TMCO5A: variants seen among roughly 807,000 people sequenced by gnomAD.
TMCO5A encodes transmembrane and coiled-coil domains 5A, also known as transmembrane and coiled-coil domain-containing protein 5A.
TMCO5A carries 34 observed loss-of-function variants against 42.3 expected under a neutral mutation model. The observed-to-expected ratio is 0.80, with a 90% CI of 0.61 to 1.07. The LOEUF (loss-of-function observed/expected upper bound fraction) is 1.07. Ranked by LOEUF, TMCO5A falls within the 50% of genes least tolerant of loss-of-function variation. The pLI, the probability that TMCO5A is intolerant of heterozygous loss-of-function variation, is 0.00. For missense variants in TMCO5A, 357 were observed against 327.9 expected (o/e 1.09, Z -0.69); for synonymous variants, 131 against 115.6 (o/e 1.13, Z -0.86).
chr15:37,977,973 G>A, the TMCO5A span, among the ~76,000 whole-genome samples: 2 of 152,190 alleles, frequency 1.3e-5, no homozygotes, highest in Non-Finnish European at 2.9e-5. Flanking sequence ...GCATGCTAGA[G>A]GTGTAAGGCA....
At chr15:38,024,349 G>A in the TMCO5A span, among the ~76,000 whole-genome samples, 2 of 152,194 alleles carry the variant, frequency 1.3e-5, no homozygotes, top group African/African-American at 4.8e-5. Flanking sequence ...GAACTGTCAG[G>A]TGTTGGAGTA....
the TMCO5A span, among the ~76,000 whole-genome samples, chr15:37,983,755 G>A: frequency 4.3e-5 from 6 of 140,510 alleles, no homozygotes; most frequent in African/African-American, 1.4e-4. Flanking sequence ...ATGGAGTTTC[G>A]CTCTTGTTGC....
chr15:37,973,101 T>C, the TMCO5A span, among the ~76,000 whole-genome samples: 1 of 152,168 alleles, frequency 6.6e-6, no homozygotes, highest in Non-Finnish European at 1.5e-5. Flanking sequence ...TGTGGTTTTA[T>C]TTCTGGGGTG....
the TMCO5A span, among the ~76,000 whole-genome samples, chr15:37,999,935 G>C: frequency 6.6e-6 from 1 of 152,138 alleles, no homozygotes; most frequent in African/African-American, 2.4e-5. Context: ...CTAGTATTTT[G>C]TTGAGGATTT....
chr15:37,939,258 AT>A (rs1463088465), intron 6 of TMCO5A, among the ~76,000 whole-genome samples: 2 of 152,134 alleles, frequency 1.3e-5, no homozygotes, highest in Non-Finnish European at 2.9e-5. Context: ...AAATGAAAGT[AT>A]GGAGAATTAC....
the TMCO5A span, among the ~76,000 whole-genome samples, chr15:37,999,517 T>C: frequency 6.6e-6 from 1 of 152,190 alleles, no homozygotes; most frequent in Admixed American, 6.5e-5. Context: ...TGCAGGCCCT[T>C]TATTTCCTTA....
At chr15:37,949,539 G>A (rs1890086606) in intron 11 of TMCO5A, among the ~76,000 whole-genome samples, 1 of 151,974 alleles carries the variant, frequency 6.6e-6, no homozygotes, top group East Asian at 1.9e-4. Flanking sequence ...TTCAGAAATT[G>A]TGCACATAGC....
At chr15:37,945,622 T>G (rs1889919143) in intron 10 of TMCO5A, among the ~76,000 whole-genome samples, 1 of 152,160 alleles carries the variant, frequency 6.6e-6, no homozygotes, top group Non-Finnish European at 1.5e-5. Flanking sequence ...TCTCTAATGA[T>G]CAGTAATGTT....
rs1351808721 is a variant in TMCO5A at position 37,951,402 on chromosome 15, A to G, written c.*168A>G. 4 of 625,124 alleles carry G rather than the reference A, an allele frequency of 6.4e-6. No homozygotes were observed. The highest frequency in any genetic ancestry group is 1.1e-5 in the Non-Finnish European group (4 of 363,742). 38.7% of individuals were successfully genotyped at this position (625,124 alleles called of 1,614,324 possible). ...CATCTTTCCAGGATTAACCTTGACC[A>G]GTAAAAAGCTCTGTAATAGATTTAT... On this transcript the variant is annotated 3_prime_UTR_variant, in exon 12 of 12. Transcript: ENST00000319669.
At position 37,936,982 on chromosome 15, in the gene TMCO5A, G is replaced by T; in HGVS notation, c.264+12G>T. 6.2e-7 allele frequency: 1 copy of T among 1,611,668 alleles called. No homozygotes were observed. Among genetic ancestry groups the T allele is most frequent in the Non-Finnish European group, 8.5e-7 (1 of 1,178,680 alleles). ...AAACAGCCAGACTTGTAAGCAAGAA[G>T]TTGGGAAGAGCCATTTAATAGGTTG... is the stretch of plus-strand genomic sequence containing the variant. On this transcript the variant is annotated intron_variant, in intron 4 of 11. Transcript: ENST00000319669.
the TMCO5A span, among the ~76,000 whole-genome samples, chr15:37,995,332 T>TC: frequency 6.6e-6 from 1 of 152,216 alleles, no homozygotes; most frequent in African/African-American, 2.4e-5. Context: ...TTGTTCTTTT[T>TC]CCCTTTTCAT....
the TMCO5A span, chr15:37,993,436 T>A: frequency 6.6e-6 from 1 of 152,198 alleles, no homozygotes; most frequent in East Asian, 1.9e-4. Context: ...GGTGTCAGCA[T>A]CTTCACAGGT....
In TMCO5A at chr15:37,942,231, A is replaced by C; in HGVS notation, c.545A>C (p.Glu182Ala). 2 of 1,612,992 alleles carry C rather than the reference A, an allele frequency of 1.2e-6. No homozygotes were observed. Among genetic ancestry groups the C allele is most frequent in the Non-Finnish European group, 1.7e-6 (2 of 1,179,280 alleles). The change falls in exon 9 of 12, where the codon GAG (glutamate) becomes GCG (alanine). Residue 182 changes from glutamate (E) to alanine (A), a missense_variant. Glu to Ala is a moderately radical substitution (Grantham distance 107). Transcript: ENST00000319669. ...TTGAAGAAAATAGAAGAAGAACTAG[A>C]GGCTCTGTTCCTTGAGAGAGAAGTG... ...ETLKKIEEELEALFLEREVSK... is the reference protein window; with the variant it reads ...ETLKKIEEELAALFLEREVSK...
chr15:38,001,399 A>G, the TMCO5A span, among the ~76,000 whole-genome samples: 1 of 148,622 alleles, frequency 6.7e-6, no homozygotes, highest in Non-Finnish European at 1.5e-5. Flanking sequence ...TTTACAGGTG[A>G]TGAGTGTTTT....
the TMCO5A span, among the ~76,000 whole-genome samples, chr15:37,997,862 C>T: frequency 2.6e-5 from 4 of 152,058 alleles, no homozygotes; most frequent in Non-Finnish European, 4.4e-5. Flanking sequence ...TCCATATAAT[C>T]GCCAGCATTT....
the TMCO5A span, among the ~76,000 whole-genome samples, chr15:38,002,172 G>A: frequency 6.6e-6 from 1 of 151,210 alleles, no homozygotes; most frequent in East Asian, 1.9e-4. Context: ...ATGTTTGAAG[G>A]ATATTTTCAC....
chr15:38,005,017 T>G, the TMCO5A span, among the ~76,000 whole-genome samples: 1 of 152,136 alleles, frequency 6.6e-6, no homozygotes, highest in Non-Finnish European at 1.5e-5. Context: ...TGACAATAAT[T>G]GCTCAAACAG....
chr15:38,008,884 G>T, the TMCO5A span, among the ~76,000 whole-genome samples: 5,115 of 152,262 alleles, frequency 0.034, 130 homozygotes, highest in Non-Finnish European at 0.056. Flanking sequence ...TTGAGGAAGG[G>T]ATTGCCATGC....
At chr15:38,008,546 T>TA in the TMCO5A span, among the ~76,000 whole-genome samples, 1 of 152,164 alleles carries the variant, frequency 6.6e-6, no homozygotes, top group South Asian at 2.1e-4. Flanking sequence ...ATAATCTTAG[T>TA]AAAATTAGAA....
Sources: gnomAD v4.1 joint callset for allele counts (sites outside exome capture counted in the v4.1 genomes callset) on GRCh38, gnomAD v4.1.1 for gene constraint, MANE v1.5 for transcripts, NCBI Gene and HGNC (gene_info 2026-07-23, HGNC 2026-07-21) for gene names.